Variants in DPP10 observed in about 807,000 individuals in gnomAD.
The protein encoded by DPP10 is inactive dipeptidyl peptidase 10.
In DPP10, 33 loss-of-function variants were observed where a neutral mutation model predicts 120.9. The observed-to-expected ratio is 0.27, with a 90% confidence interval of 0.21 to 0.37. DPP10 has a LOEUF of 0.37. Ranked by LOEUF, DPP10 falls within the 10% of genes least tolerant of loss-of-function variation. The probability of loss-of-function intolerance (pLI) is 1.00; values close to 1 mark genes in which losing one functional copy is unlikely to be tolerated. For synonymous variants in DPP10, 337 were observed against 326.1 expected (o/e 1.03, Z -0.36); for missense variants, 816 against 942.8 (o/e 0.87, Z 1.76).
At chr2:115,011,829 A>G (rs1702285697) in intron 1 of DPP10, among the ~76,000 whole-genome samples, 1 of 152,070 alleles carries the variant, frequency 6.6e-6, no homozygotes, top group Non-Finnish European at 1.5e-5. Context: ...TCCCTGAGAC[A>G]CTGAAAACCT....
At chr2:115,051,139 A>G (rs1705448937) in intron 1 of DPP10, among the ~76,000 whole-genome samples, 1 of 152,212 alleles carries the variant, frequency 6.6e-6, no homozygotes. Context: ...GCACAGGAAA[A>G]GAAGCCATTC....
At chr2:114,770,949 C>T (rs372581226) in intron 1 of DPP10, among the ~76,000 whole-genome samples, 9 of 152,172 alleles carry the variant, frequency 5.9e-5, no homozygotes, top group Admixed American at 6.5e-5. Context: ...TGGGAAAAAA[C>T]GACTGCAATG....
intron 1 of DPP10, among the ~76,000 whole-genome samples, chr2:114,704,555 C>T (rs1700574529): frequency 6.6e-6 from 1 of 152,176 alleles, no homozygotes; most frequent in South Asian, 2.1e-4. Flanking sequence ...TGACAGATTT[C>T]AACCATTTGC....
At chr2:115,433,776 G>A (rs1305174721) in intron 3 of DPP10, among the ~76,000 whole-genome samples, 1 of 151,870 alleles carries the variant, frequency 6.6e-6, no homozygotes, top group East Asian at 1.9e-4. Context: ...AGACAACAGG[G>A]CTGATGTTTT....
chr2:115,524,408 A>G (rs1204460716), intron 4 of DPP10, among the ~76,000 whole-genome samples: 2 of 152,090 alleles, frequency 1.3e-5, no homozygotes, highest in Non-Finnish European at 2.9e-5. Flanking sequence ...AGATGAAGAG[A>G]TATATGGGGT....
chr2:115,558,344 T>C (rs1490993589), intron 5 of DPP10, among the ~76,000 whole-genome samples: 1 of 152,150 alleles, frequency 6.6e-6, no homozygotes, highest in East Asian at 1.9e-4. Flanking sequence ...GCTCTGTACA[T>C]TGCAAGGACT....
chr2:114,771,836 G>A (rs939305078), intron 1 of DPP10, among the ~76,000 whole-genome samples: 1 of 152,048 alleles, frequency 6.6e-6, no homozygotes, highest in African/African-American at 2.4e-5. Flanking sequence ...GGAGTCCCAC[G>A]GCCTGGACAC....
intron 1 of DPP10, among the ~76,000 whole-genome samples, chr2:115,112,824 G>GA (rs2049298876): frequency 1.3e-5 from 2 of 152,120 alleles, no homozygotes; most frequent in African/African-American, 4.8e-5. Context: ...TATTTTGGCA[G>GA]CATTCTCTTC....
intron 1 of DPP10, among the ~76,000 whole-genome samples, chr2:114,689,864 C>T (rs2105760960): frequency 6.6e-6 from 1 of 151,754 alleles, no homozygotes; most frequent in Non-Finnish European, 1.5e-5. Flanking sequence ...TGTTGGTTGG[C>T]CGCGTGTATG....
intron 3 of DPP10, among the ~76,000 whole-genome samples, chr2:115,383,163 G>A (rs566838364): frequency 6.6e-6 from 1 of 152,162 alleles, no homozygotes. Flanking sequence ...GATGTGGTTT[G>A]GCTGTGTACC....
chr2:115,172,116 A>G (rs1010227803), intron 1 of DPP10, among the ~76,000 whole-genome samples: 4 of 152,188 alleles, frequency 2.6e-5, no homozygotes, highest in Admixed American at 6.5e-5. Context: ...AATCCCTCCT[A>G]AAGGAGAGAT....
intron 1 of DPP10, among the ~76,000 whole-genome samples, chr2:114,667,393 G>A (rs1698008135): frequency 6.6e-6 from 1 of 152,094 alleles, no homozygotes; most frequent in African/African-American, 2.4e-5. Context: ...TAACCTGAAG[G>A]ATAAGCTCCT....
chr2:115,516,639 T>G (rs2077520286), intron 4 of DPP10, among the ~76,000 whole-genome samples: 1 of 151,294 alleles, frequency 6.6e-6, no homozygotes, highest in Non-Finnish European at 1.5e-5. Context: ...GATCCTTATA[T>G]TTTTTGTTGC....
chr2:115,133,922 T>C (rs72837522), intron 1 of DPP10, among the ~76,000 whole-genome samples: 9,004 of 152,258 alleles, frequency 0.059, 389 homozygotes, highest in East Asian at 0.23. Context: ...GGCCTTGCTG[T>C]GCTATTAAGG....
rs5833604 is a variant in DPP10, at chr2:115,504,275, C to CTTT, written c.366+4688_366+4690dup. 4.0e-3 allele frequency among the ~76,000 whole-genome samples: 521 copies of CTTT among 131,554 alleles called. 6 individuals carry two copies. Among genetic ancestry groups the CTTT allele is most frequent in the Middle Eastern group, 0.017 (4 of 236 alleles). 86.3% of individuals were successfully genotyped at this position (131,554 alleles called of 152,430 possible). Reference sequence around the variant, plus strand: ...GTATCACTTATTTGGCTATTGCCAACTTTTTTTTTTTTTTTTTTTACTAGG... The same window carrying CTTT: ...GTATCACTTATTTGGCTATTGCCAACTTTTTTTTTTTTTTTTTTTTTTACTAGG... On this transcript the variant is annotated intron_variant, in intron 4 of 25. Coordinates refer to ENST00000410059, the MANE Select transcript of DPP10 (RefSeq NM_020868.6).
intron 1 of DPP10, among the ~76,000 whole-genome samples, chr2:114,615,988 T>G (rs983217611): frequency 1.3e-5 from 2 of 152,178 alleles, no homozygotes; most frequent in African/African-American, 4.8e-5. Context: ...AACTATCTAT[T>G]TCTAGCAGAG....
chr2:115,636,710 T>C (rs559891232), intron 5 of DPP10, among the ~76,000 whole-genome samples: 2 of 152,248 alleles, frequency 1.3e-5, no homozygotes, highest in African/African-American at 2.4e-5. Flanking sequence ...ATCTTTATTG[T>C]ACTGTTCTTT....
intron 3 of DPP10, among the ~76,000 whole-genome samples, chr2:115,398,380 C>CT (rs963746331): frequency 1.3e-5 from 2 of 152,084 alleles, no homozygotes; most frequent in Non-Finnish European, 2.9e-5. Flanking sequence ...CCTTAACACA[C>CT]TGAGAGTGCC....
intron 3 of DPP10, among the ~76,000 whole-genome samples, chr2:115,445,327 T>C (rs2072475742): frequency 6.6e-6 from 1 of 152,166 alleles, no homozygotes; most frequent in Non-Finnish European, 1.5e-5. Context: ...GAAGCAACTT[T>C]GGAACTGGGT....
Sources: allele counts gnomAD v4.1 joint callset (sites outside exome capture counted in the v4.1 genomes callset), GRCh38; gene constraint gnomAD v4.1.1; transcripts MANE v1.5; gene names NCBI Gene and HGNC (gene_info 2026-07-23, HGNC 2026-07-21).